ZNF277: variants seen among roughly 807,000 people sequenced by gnomAD.
ZNF277 encodes nuclear receptor-interacting factor 4.
A neutral mutation model predicts 60.7 loss-of-function variants in ZNF277; 55 were observed. The ratio of observed to expected loss-of-function variants is 0.91; its 90% CI spans 0.73 to 1.13. The LOEUF is 1.13. Among genes scored for constraint, ZNF277 ranks in the 50% most tolerant of loss-of-function variants. The probability of loss-of-function intolerance (pLI) is 0.00; values close to 1 mark genes in which losing one functional copy is unlikely to be tolerated. For missense variants in ZNF277, 510 were observed against 523.0 expected (o/e 0.98, Z 0.24); for synonymous variants, 178 against 179.3 (o/e 0.99, Z 0.06).
chr7:112,242,625 C>T (rs1217163897), intron 1 of ZNF277, among the ~76,000 whole-genome samples: 1 of 149,184 alleles, frequency 6.7e-6, no homozygotes, highest in Non-Finnish European at 1.5e-5. Context: ...GGTGAAAGAT[C>T]TCTACAAGGA....
intron 1 of ZNF277, among the ~76,000 whole-genome samples, chr7:112,226,658 G>A (rs1182473061): frequency 2.0e-5 from 3 of 152,076 alleles, no homozygotes; most frequent in African/African-American, 4.8e-5. Context: ...CATTATTTAA[G>A]GTTATGAAAA....
intron 5 of ZNF277, among the ~76,000 whole-genome samples, chr7:112,320,101 A>G (rs1792942422): frequency 6.6e-6 from 1 of 152,260 alleles, no homozygotes; most frequent in East Asian, 1.9e-4. Flanking sequence ...CTAGTGATTA[A>G]TGTGGATACT....
chr7:112,249,567 G>A (rs9986705), intron 1 of ZNF277, among the ~76,000 whole-genome samples: 123,893 of 152,034 alleles, frequency 0.81, 51,446 homozygotes, highest in East Asian at 1. Flanking sequence ...TTCAAGCACA[G>A]GTGGTCAAAG....
intron 1 of ZNF277, among the ~76,000 whole-genome samples, chr7:112,274,881 T>A (rs1791757989): frequency 6.6e-6 from 1 of 152,326 alleles, no homozygotes; most frequent in Non-Finnish European, 1.5e-5. Context: ...CAAATCTATC[T>A]GTGTCAGAGT....
intron 4 of ZNF277, among the ~76,000 whole-genome samples, chr7:112,314,926 C>T (rs1379245397): frequency 2.6e-5 from 4 of 152,042 alleles, no homozygotes; most frequent in Non-Finnish European, 5.9e-5. Context: ...TTATTGATTA[C>T]CAGTTTTAGT....
intron 4 of ZNF277, among the ~76,000 whole-genome samples, chr7:112,309,494 G>A (rs1792673324): frequency 6.6e-6 from 1 of 151,864 alleles, no homozygotes; most frequent in Admixed American, 6.6e-5. Context: ...CCACCCCTCT[G>A]TACCGTTTTC....
chr7:112,284,789 T>TCTTCTATGGGACACCTTC (rs1483848697), intron 1 of ZNF277, among the ~76,000 whole-genome samples: 1 of 152,182 alleles, frequency 6.6e-6, no homozygotes, highest in Non-Finnish European at 1.5e-5. Context: ...TTAGAGACCC[T>TCTTCTATGGGACACCTTC]CTTCTATGGG....
chr7:112,313,857 C>G (rs1272483857), intron 4 of ZNF277, among the ~76,000 whole-genome samples: 1 of 152,028 alleles, frequency 6.6e-6, no homozygotes, highest in Non-Finnish European at 1.5e-5. Context: ...TTTGAGAAAG[C>G]CATTTTGATT....
In ZNF277 at chr7:112,313,432, A is replaced by G. The variant is rs558291948; in HGVS notation, c.466-4750A>G. Among the ~76,000 whole-genome samples, 246 of 152,004 alleles carry G rather than the reference A, an allele frequency of 1.6e-3. 2 individuals carry two copies. The highest frequency in any genetic ancestry group is 2.8e-3 in the Admixed American group (43 of 15,246). Reference sequence around the variant, plus strand: ...CTGGATAGCTGGACTACAGGCACGCACCACCATGCCTGGCCAATTGTTTTA... The same window carrying G: ...CTGGATAGCTGGACTACAGGCACGCGCCACCATGCCTGGCCAATTGTTTTA... On this transcript the variant is annotated intron_variant, in intron 4 of 11. Transcript: ENST00000361822.
chr7:112,232,036 T>C (rs1440107315), intron 1 of ZNF277, among the ~76,000 whole-genome samples: 1 of 111,814 alleles, frequency 8.9e-6, no homozygotes, highest in African/African-American at 3.5e-5. Context: ...CTAAAATAAA[T>C]AAATACATAT....
At chr7:112,268,168 A>G (rs1791590438) in intron 1 of ZNF277, among the ~76,000 whole-genome samples, 1 of 152,120 alleles carries the variant, frequency 6.6e-6, no homozygotes, top group Non-Finnish European at 1.5e-5. Context: ...AAGTACAAAA[A>G]TGGAAAGGAA....
intron 1 of ZNF277, among the ~76,000 whole-genome samples, chr7:112,260,282 AGC>A (rs1791414280): frequency 6.6e-6 from 1 of 152,228 alleles, no homozygotes; most frequent in African/African-American, 2.4e-5. Context: ...CTGCTTCTAC[AGC>A]ACCAAAAAGA....
At chr7:112,324,331 C>T (rs1160026094) in intron 5 of ZNF277, among the ~76,000 whole-genome samples, 1 of 151,982 alleles carries the variant, frequency 6.6e-6, no homozygotes, top group African/African-American at 2.4e-5. Context: ...TATGGGTACT[C>T]AAAGTACAGT....
intron 1 of ZNF277, among the ~76,000 whole-genome samples, chr7:112,208,850 T>A (rs144349977): frequency 0.013 from 1,979 of 152,058 alleles, 49 homozygotes; most frequent in African/African-American, 0.046. Flanking sequence ...CCGGCTAGTT[T>A]TTTGTATTTT....
intron 1 of ZNF277, among the ~76,000 whole-genome samples, chr7:112,267,206 T>A (rs1160799662): frequency 6.6e-6 from 1 of 152,206 alleles, no homozygotes; most frequent in Non-Finnish European, 1.5e-5. Context: ...AATGTATTCT[T>A]ATGTATATTG....
chr7:112,252,421 C>A (rs189806633), intron 1 of ZNF277, among the ~76,000 whole-genome samples: 2 of 152,042 alleles, frequency 1.3e-5, no homozygotes, highest in Admixed American at 1.3e-4. Context: ...TTTCTGTGTG[C>A]GGTACAAGGG....
chr7:112,248,460 A>G (rs1791132788), intron 1 of ZNF277, among the ~76,000 whole-genome samples: 1 of 152,194 alleles, frequency 6.6e-6, no homozygotes, highest in South Asian at 2.1e-4. Flanking sequence ...TAAAACAACT[A>G]AAATAGAGAT....
At chr7:112,244,770 G>C (rs1563202596) in intron 1 of ZNF277, among the ~76,000 whole-genome samples, 1 of 152,002 alleles carries the variant, frequency 6.6e-6, no homozygotes, top group East Asian at 1.9e-4. Context: ...ATGATCATTT[G>C]ATTTGTTGAT....
intron 1 of ZNF277, among the ~76,000 whole-genome samples, chr7:112,229,731 T>C (rs1187939390): frequency 6.6e-6 from 1 of 152,212 alleles, no homozygotes; most frequent in African/African-American, 2.4e-5. Flanking sequence ...AAGGAGCCAA[T>C]GTCTAGTAGA....
Sources: allele counts gnomAD v4.1 joint callset (sites outside exome capture counted in the v4.1 genomes callset), GRCh38; gene constraint gnomAD v4.1.1; transcripts MANE v1.5; gene names NCBI Gene and HGNC (gene_info 2026-07-23, HGNC 2026-07-21).